The following ENPP6 variants were observed in gnomAD, a reference collection of about 807,000 sequenced individuals.
ENPP6 encodes ectonucleotide pyrophosphatase/phosphodiesterase 6, also known as glycerophosphocholine cholinephosphodiesterase ENPP6.
A neutral mutation model predicts 42.0 loss-of-function variants in ENPP6; 32 were observed. That is an observed-to-expected ratio of 0.76 (90% CI 0.58 to 1.02). ENPP6 has a LOEUF of 1.02. Ranked by LOEUF, ENPP6 falls within the 50% of genes least tolerant of loss-of-function variation. ENPP6 has a pLI of 0.00. For missense variants in ENPP6, 552 were observed against 566.8 expected (o/e 0.97, Z 0.27); for synonymous variants, 213 against 216.0 (o/e 0.99, Z 0.12).
intron 1 of ENPP6, among the ~76,000 whole-genome samples, chr4:184,197,549 G>T (rs1732822036): frequency 6.6e-6 from 1 of 152,204 alleles, no homozygotes; most frequent in South Asian, 2.1e-4. Context: ...ACTTGGTGTG[G>T]TTTTTCTCCC....
chr4:184,160,338 A>G (rs377554457), intron 1 of ENPP6, among the ~76,000 whole-genome samples: 4 of 151,960 alleles, frequency 2.6e-5, no homozygotes, highest in Non-Finnish European at 5.9e-5. Context: ...TTTAATTATA[A>G]CCATTCTTGC....
intron 6 of ENPP6, among the ~76,000 whole-genome samples, chr4:184,100,886 G>A (rs1018281188): frequency 1.3e-5 from 2 of 152,172 alleles, no homozygotes; most frequent in African/African-American, 2.4e-5. Context: ...TTCTGGGGTC[G>A]GGGCCACAGA....
intron 2 of ENPP6, among the ~76,000 whole-genome samples, chr4:184,132,624 CTA>C (rs1458433064): frequency 1.3e-5 from 2 of 151,892 alleles, no homozygotes; most frequent in Non-Finnish European, 1.5e-5. Context: ...AGATATTCAC[CTA>C]TGTTTTCTTT....
At chr4:184,107,690 C>T (rs995907566) in intron 6 of ENPP6, among the ~76,000 whole-genome samples, 4 of 152,080 alleles carry the variant, frequency 2.6e-5, no homozygotes, top group South Asian at 2.1e-4. Context: ...CTGAGGTGGG[C>T]GGATCACGAG....
At chr4:184,194,075 A>G (rs937891838) in intron 1 of ENPP6, among the ~76,000 whole-genome samples, 1 of 151,942 alleles carries the variant, frequency 6.6e-6, no homozygotes, top group Non-Finnish European at 1.5e-5. Flanking sequence ...CACTGTGCCC[A>G]CTGAATGTGA....
chr4:184,132,396 A>T (rs1170470815), intron 2 of ENPP6, among the ~76,000 whole-genome samples: 1 of 89,092 alleles, frequency 1.1e-5, no homozygotes, highest in Non-Finnish European at 2.8e-5. Flanking sequence ...TATTGAGTTG[A>T]CTTTTTCCTT....
intron 1 of ENPP6, among the ~76,000 whole-genome samples, chr4:184,167,028 G>A (rs1024680338): frequency 1.3e-5 from 2 of 152,206 alleles, no homozygotes; most frequent in South Asian, 4.1e-4. Context: ...CACTCATCCC[G>A]CAGCTGCCCC....
chr4:184,148,251 C>T (rs1395574516), intron 2 of ENPP6, among the ~76,000 whole-genome samples: 1 of 152,046 alleles, frequency 6.6e-6, no homozygotes, highest in Non-Finnish European at 1.5e-5. Context: ...TGAGTCACAC[C>T]CTTTAAAGAT....
chr4:184,097,493 G>T, intron 6 of ENPP6, 125 bp from the exon 7 acceptor site: 1 of 1,379,228 alleles, frequency 7.3e-7, no homozygotes, highest in Non-Finnish European at 9.8e-7. Flanking sequence ...GACCCAGACT[G>T]ACCCAACCTC....
intron 2 of ENPP6, among the ~76,000 whole-genome samples, chr4:184,129,424 A>G (rs1490634524): frequency 2.6e-5 from 4 of 152,152 alleles, no homozygotes; most frequent in African/African-American, 7.2e-5. Flanking sequence ...TTAGCATTCC[A>G]TAAGTACGTT....
In ENPP6 at chr4:184,091,215, A is replaced by G; in HGVS notation, c.1285T>C (p.Cys429Arg). 6.3e-7 allele frequency: 1 copy of G among 1,598,184 alleles called. No individual in the cohort carries two copies. The highest frequency in any genetic ancestry group is 8.5e-7 in the Non-Finnish European group (1 of 1,171,524). Residue 429 changes from cysteine (C) to arginine (R), a missense_variant, in exon 8 of 8, where the codon TGT becomes CGT. Transcript: ENST00000296741. ...AAGAGAAGAATCAGTGCCAGGGCAC[A>G]GTGGCTGGGCCAGACAGGCGGGGCA... ...STAPPVWPSH[C>R]ALALILLFLL...
At chr4:184,164,502 C>T (rs1035418019) in intron 1 of ENPP6, among the ~76,000 whole-genome samples, 7 of 152,082 alleles carry the variant, frequency 4.6e-5, no homozygotes, top group Non-Finnish European at 1.0e-4. Flanking sequence ...GACTGACCTG[C>T]CCCCAGGGAA....
chr4:184,141,057 A>AC (rs66664166), intron 2 of ENPP6, among the ~76,000 whole-genome samples: 95,165 of 147,126 alleles, frequency 0.65, 31,126 homozygotes, highest in South Asian at 0.68. Context: ...AAAACAAACA[A>AC]CCCGTCAAAA....
chr4:184,199,832 C>G (rs779918776), intron 1 of ENPP6, among the ~76,000 whole-genome samples: 3 of 152,226 alleles, frequency 2.0e-5, no homozygotes, highest in Non-Finnish European at 4.4e-5. Context: ...GAGCCCACCC[C>G]AGTCCCCCCA....
chr4:184,093,973 C>T (rs186278025), intron 7 of ENPP6, among the ~76,000 whole-genome samples: 5 of 152,130 alleles, frequency 3.3e-5, no homozygotes, highest in East Asian at 3.9e-4. Flanking sequence ...CCAGGTGTCC[C>T]ACAGGCTTTC....
intron 2 of ENPP6, among the ~76,000 whole-genome samples, chr4:184,144,311 T>C (rs1736881963): frequency 6.6e-6 from 1 of 152,174 alleles, no homozygotes; most frequent in South Asian, 2.1e-4. Context: ...TCTGGGGAGT[T>C]GGGCTGGCAC....
At chr4:184,174,552 C>T (rs966199256) in intron 1 of ENPP6, among the ~76,000 whole-genome samples, 1 of 90,854 alleles carries the variant, frequency 1.1e-5, no homozygotes, top group African/African-American at 3.5e-5. Context: ...ATGGTATCCT[C>T]CCATTGACCT....
At chr4:184,095,788 T>C (rs972796582) in intron 7 of ENPP6, among the ~76,000 whole-genome samples, 1 of 152,048 alleles carries the variant, frequency 6.6e-6, no homozygotes, top group African/African-American at 2.4e-5. Context: ...GAGGGTGCCA[T>C]GCTTTTGAAT....
chr4:184,163,293 G>A (rs1204777721), intron 1 of ENPP6, among the ~76,000 whole-genome samples: 1 of 152,164 alleles, frequency 6.6e-6, no homozygotes, highest in Non-Finnish European at 1.5e-5. Flanking sequence ...CAATTTCAGA[G>A]GTGAGGAATA....
Sources: allele counts gnomAD v4.1 joint callset (sites outside exome capture counted in the v4.1 genomes callset), GRCh38; gene constraint gnomAD v4.1.1; transcripts MANE v1.5; gene names NCBI Gene and HGNC (gene_info 2026-07-23, HGNC 2026-07-21).